Variants in MED26 observed in about 807,000 individuals in gnomAD.
MED26 encodes the protein mediator complex subunit 26, also known as mediator of RNA polymerase II transcription subunit 26.
MED26 carries 7 observed loss-of-function variants against 43.7 expected under a neutral mutation model. That is an observed-to-expected ratio of 0.16 (90% CI 0.09 to 0.30). The LOEUF is 0.30. MED26 is among the 10% of genes least tolerant of loss of function. The probability of loss-of-function intolerance (pLI) is 1.00; values close to 1 mark genes in which losing one functional copy is unlikely to be tolerated. For synonymous variants in MED26, 375 were observed against 371.1 expected (o/e 1.01, Z -0.12); for missense variants, 784 against 840.6 (o/e 0.93, Z 0.83).
rs1599327179 is a variant in MED26 at position 16,576,211 on chromosome 19, A to G, written c.1619T>C (p.Leu540Pro). The part of the protein sequence containing the change: ...VLVPQSPPTD[L>P]PGLTREVTQD... ...TGTGACCTCCCGGGTCAGACCAGGG[A>G]GGTCCGTGGGCGGGCTTTGAGGCAC... Residue 540 changes from leucine to proline, a missense_variant, in exon 3 of 3, where the codon CTC becomes CCC. This residue lies in a region of MED26 where 719 missense variants were observed against 730.9 expected (regional missense o/e 0.98). Transcript: ENST00000263390. The surrounding 1 kb of genome is among the most constrained non-coding windows in gnomAD (Gnocchi z 6.8). 1 of 1,612,220 alleles carries G rather than the reference A, an allele frequency of 6.2e-7. No individual in the cohort carries two copies. Among genetic ancestry groups the G allele is most frequent in the East Asian group, 2.2e-5 (1 of 44,860 alleles).
At chr19:16,627,379 G>A (rs1477061636) in intron 1 of MED26, among the ~76,000 whole-genome samples, 1 of 152,206 alleles carries the variant, frequency 6.6e-6, no homozygotes, top group Non-Finnish European at 1.5e-5. Flanking sequence ...GGAAGGTGCT[G>A]CCAGCCGAGA....
chr19:16,589,263 T>C (rs2086085371), intron 1 of MED26: 1 of 152,206 alleles, frequency 6.6e-6, no homozygotes, highest in African/African-American at 2.4e-5. Context: ...ACTCTGTGGA[T>C]CCCATGGTAA....
intron 1 of MED26, among the ~76,000 whole-genome samples, chr19:16,627,003 G>C (rs899591346): frequency 7.1e-6 from 1 of 140,786 alleles, no homozygotes; most frequent in Non-Finnish European, 1.5e-5. Flanking sequence ...CTCAGCAAAG[G>C]GGCACCCGAG....
rs1200042928 is a variant in MED26 at position 16,575,152 on chromosome 19, C to CCCA, written c.*872_*874dup. ...CGTACAGACAGGTCTTCCCCCTCGC[C>CCCA]CCACAGTACAGCATAAAACCAGTAG... On this transcript the variant is annotated 3_prime_UTR_variant, in exon 3 of 3. Transcript: ENST00000263390. 2 of 152,484 alleles carry CCCA rather than the reference C, an allele frequency of 1.3e-5. No homozygotes were observed. The highest frequency in any genetic ancestry group is 2.9e-5 in the Non-Finnish European group (2 of 68,028). 9.4% of individuals were successfully genotyped at this position (152,484 alleles called of 1,614,324 possible). A position where few individuals can be genotyped will look rare whatever the true frequency, so the allele number is the denominator to read the frequency against.
chr19:16,610,260 ACT>A (rs985533364), intron 1 of MED26: 2 of 151,986 alleles, frequency 1.3e-5, no homozygotes, highest in African/African-American at 4.8e-5. Flanking sequence ...TTAGAGCAAG[ACT>A]CTGTCTCTAA....
intron 1 of MED26, among the ~76,000 whole-genome samples, chr19:16,607,433 G>A (rs918061782): frequency 6.6e-6 from 1 of 150,456 alleles, no homozygotes. Context: ...GCCTTCTGAA[G>A]AGGAACTCAG....
At position 16,627,936 on chromosome 19, in the gene MED26, G is replaced by C; in HGVS notation, c.8C>G (p.Ala3Gly). ...GATCTGCTGCGGAGACGCCGGAGCC[G>C]CTGTCATTGCCTGGGCGAGGCGGGG... MT[A>G]APASPQQIRD... Residue 3 changes from alanine to glycine, a missense_variant, in exon 1 of 3, where the codon GCG becomes GGG. Ala to Gly is a moderately conservative substitution (Grantham distance 60). Coordinates refer to ENST00000263390, the MANE Select transcript of MED26 (RefSeq NM_004831.5). The C allele has an allele frequency of 2.0e-6, 3 of 1,482,568 alleles. No individual in the cohort carries two copies. Among genetic ancestry groups the C allele is most frequent in the South Asian group, 2.6e-5 (2 of 78,166 alleles). 91.8% of individuals were successfully genotyped at this position (1,482,568 alleles called of 1,614,324 possible). A position where few individuals can be genotyped will look rare whatever the true frequency, so the allele number is the denominator to read the frequency against.
chr19:16,585,453 C>G (rs118057109), intron 1 of MED26, among the ~76,000 whole-genome samples: 98 of 152,230 alleles, frequency 6.4e-4, no homozygotes, highest in Non-Finnish European at 1.2e-3. Flanking sequence ...AGGTCACTCT[C>G]TTCCAGAAGG....
chr19:16,612,729 G>A (rs80326486), intron 1 of MED26, among the ~76,000 whole-genome samples: 7,866 of 152,262 alleles, frequency 0.052, 283 homozygotes, highest in Non-Finnish European at 0.063. Context: ...AGTACAGGCA[G>A]CTTTTAAACC....
intron 1 of MED26, chr19:16,589,182 T>C (rs2086084711): frequency 6.6e-6 from 1 of 152,236 alleles, no homozygotes; most frequent in African/African-American, 2.4e-5. Context: ...GGCCTTCTCA[T>C]TGGGCATTCC....
intron 1 of MED26, among the ~76,000 whole-genome samples, chr19:16,591,048 AAAATAAATAAATAAATAAATAAAT>A (rs10593029): frequency 1.1e-4 from 15 of 142,712 alleles, no homozygotes; most frequent in South Asian, 2.3e-4. Context: ...AAAATAAAAT[AAAATAAATAAATAAATAAATAAAT>A]AAATAAATAA....
chr19:16,611,338 G>A (rs1052318118), intron 1 of MED26: 4 of 152,216 alleles, frequency 2.6e-5, no homozygotes, highest in African/African-American at 7.2e-5. Flanking sequence ...GGAACATGAA[G>A]AACATGACTG....
chr19:16,622,117 C>T (rs561922449), intron 1 of MED26, among the ~76,000 whole-genome samples: 2 of 152,224 alleles, frequency 1.3e-5, no homozygotes, highest in East Asian at 1.9e-4. Flanking sequence ...ATTCTGAAAA[C>T]CTGGATGATA....
At chr19:16,625,518 T>C (rs1027230404) in intron 1 of MED26, among the ~76,000 whole-genome samples, 4 of 151,806 alleles carry the variant, frequency 2.6e-5, no homozygotes, top group African/African-American at 9.7e-5. Flanking sequence ...TTAATTTTAG[T>C]GTTGGCTCTT....
rs8105125 is a variant in MED26 at position 16,584,306 on chromosome 19, C to A, written c.73-5897G>T. On this transcript the variant is annotated intron_variant, in intron 1 of 2. Transcript: ENST00000263390. The stretch of plus-strand genomic sequence containing the variant: ...AAACCCAAACACTGCCCCCCCCCGC[C>A]CCGCCAAAAAAAAACAAAAAACAAA... Among the ~76,000 whole-genome samples, 6 of 144,664 alleles carry A rather than the reference C, an allele frequency of 4.1e-5. 1 individual carries two copies. The highest frequency in any genetic ancestry group is 2.2e-4 in the South Asian group (1 of 4,632). The allele number at this position is 144,664 out of a possible 152,430, so 94.9% of individuals were successfully genotyped here.
chr19:16,627,475 T>G, intron 1 of MED26, among the ~76,000 whole-genome samples: 1 of 152,186 alleles, frequency 6.6e-6, no homozygotes, highest in Non-Finnish European at 1.5e-5. Flanking sequence ...CGGACACCAG[T>G]TGCTTCACAG....
intron 1 of MED26, among the ~76,000 whole-genome samples, chr19:16,604,421 G>A (rs994519044): frequency 1.3e-5 from 2 of 152,232 alleles, no homozygotes; most frequent in African/African-American, 4.8e-5. Flanking sequence ...AAAGGAAGAC[G>A]TATTTATTGC....
intron 1 of MED26, among the ~76,000 whole-genome samples, chr19:16,620,669 G>A (rs1599349651): frequency 6.6e-6 from 1 of 152,188 alleles, no homozygotes; most frequent in Non-Finnish European, 1.5e-5. Context: ...TGAGGGAGAC[G>A]GTCTTGGATT....
At chr19:16,583,192 A>C (rs1050829073) in intron 1 of MED26, among the ~76,000 whole-genome samples, 5 of 152,260 alleles carry the variant, frequency 3.3e-5, no homozygotes, top group African/African-American at 1.2e-4. Flanking sequence ...TGTCAGGAAT[A>C]GCCTGGCACA....
Sources: gnomAD v4.1 joint callset for allele counts (sites outside exome capture counted in the v4.1 genomes callset) on GRCh38, gnomAD v4.1.1 for gene constraint, gnomAD v4.1.1 regional missense constraint, Gnocchi (gnomAD v3.1) non-coding constraint, MANE v1.5 for transcripts, NCBI Gene and HGNC (gene_info 2026-07-23, HGNC 2026-07-21) for gene names.